PRKG1: variants seen among roughly 807,000 people sequenced by gnomAD.
PRKG1 encodes protein kinase cGMP-dependent 1.
A neutral mutation model predicts 88.1 loss-of-function variants in PRKG1; 35 were observed. The ratio of observed to expected loss-of-function variants is 0.40; its 90% CI spans 0.30 to 0.53. The LOEUF (loss-of-function observed/expected upper bound fraction) is 0.53, where lower values mean the gene tolerates loss of function less well. Ranked by LOEUF, PRKG1 falls within the 20% of genes least tolerant of loss-of-function variation. PRKG1 has a pLI of 0.59. For missense variants in PRKG1, 540 were observed against 839.8 expected, an observed-to-expected ratio of 0.64 and a Z score of 4.41; for synonymous variants, 303 against 292.5, an observed-to-expected ratio of 1.04 and a Z score of -0.37.
chr10:52,153,427 C>G (rs1837997573), intron 8 of PRKG1, among the ~76,000 whole-genome samples: 1 of 152,138 alleles, frequency 6.6e-6, no homozygotes, highest in South Asian at 2.1e-4. Flanking sequence ...CATAACAAAA[C>G]CACAATTTAT....
At chr10:51,710,979 G>A (rs1278901071) in intron 3 of PRKG1, among the ~76,000 whole-genome samples, 1 of 152,208 alleles carries the variant, frequency 6.6e-6, no homozygotes, top group Non-Finnish European at 1.5e-5. Flanking sequence ...TTACAGGTAT[G>A]AGCCACTGCG....
At chr10:51,414,592 G>C (rs1266877931) in intron 2 of PRKG1, among the ~76,000 whole-genome samples, 1 of 152,114 alleles carries the variant, frequency 6.6e-6, no homozygotes, top group Non-Finnish European at 1.5e-5. Context: ...GCAGCTCGTG[G>C]TAACAATATG....
chr10:52,147,903 C>CT (rs1837777280), intron 8 of PRKG1, among the ~76,000 whole-genome samples: 1 of 152,066 alleles, frequency 6.6e-6, no homozygotes, highest in South Asian at 2.1e-4. Context: ...TTAGGTTGAG[C>CT]TTGAGGTACA....
At chr10:51,251,416 G>T (rs758405302) in intron 2 of PRKG1, among the ~76,000 whole-genome samples, 1 of 151,758 alleles carries the variant, frequency 6.6e-6, no homozygotes, top group Non-Finnish European at 1.5e-5. Flanking sequence ...AAGGATATGT[G>T]TAATTCATTT....
rs58617683 is a variant in PRKG1 at position 51,611,484 on chromosome 10, T to TA, written c.592+143658dup. Among the ~76,000 whole-genome samples, 373 of 149,620 alleles carry TA rather than the reference T, an allele frequency of 2.5e-3. 5 individuals carry two copies. The highest frequency in any genetic ancestry group is 0.011 in the Admixed American group (171 of 15,010). On this transcript the variant is annotated intron_variant, in intron 3 of 17. Transcript: ENST00000373980. ...TTTAATAAGATTATTTGCCCTTTTT[T>TA]AAAAAAAAAACGTTAAATTGTTTCT...
At chr10:51,537,590 G>T (rs1179054825) in intron 3 of PRKG1, among the ~76,000 whole-genome samples, 1 of 151,976 alleles carries the variant, frequency 6.6e-6, no homozygotes, top group Non-Finnish European at 1.5e-5. Flanking sequence ...TTAGCTAGGC[G>T]TGGTGGCATG....
intron 5 of PRKG1, among the ~76,000 whole-genome samples, chr10:51,977,593 A>G (rs1843879084): frequency 6.6e-6 from 1 of 152,122 alleles, no homozygotes; most frequent in Non-Finnish European, 1.5e-5. Context: ...CCAACAGTGT[A>G]TAAGTATTCC....
chr10:52,251,594 C>T lies in PRKG1; in HGVS notation c.1101C>T (p.Phe367=), dbSNP rs752325371. ...KAKYEAEAAF[F]ANLKLSDFNI... ...GATATGAAGCTGAAGCGGCTTTCTTCGCCAACCTGAAGCTGTCTGATTTCA... is the reference window on the plus strand; with the variant it reads ...GATATGAAGCTGAAGCGGCTTTCTTTGCCAACCTGAAGCTGTCTGATTTCA... Residue 367 remains phenylalanine (F), a synonymous_variant, in exon 10 of 18, where the codon TTC becomes TTT. Coordinates refer to ENST00000373980, the MANE Select transcript of PRKG1 (RefSeq NM_006258.4). 7.4e-6 allele frequency: 12 copies of T among 1,613,452 alleles called. No individual in the cohort carries two copies. The highest frequency in any genetic ancestry group is 6.6e-5 in the South Asian group (6 of 91,060).
intron 5 of PRKG1, among the ~76,000 whole-genome samples, chr10:51,948,277 G>A (rs759203953): frequency 2.7e-4 from 41 of 152,110 alleles, no homozygotes; most frequent in Admixed American, 7.2e-4. Context: ...ATACGAAAGT[G>A]GCTTTCTGAC....
At chr10:51,029,594 G>A (rs1843253784) in intron 1 of PRKG1, among the ~76,000 whole-genome samples, 1 of 152,118 alleles carries the variant, frequency 6.6e-6, no homozygotes, top group Non-Finnish European at 1.5e-5. Flanking sequence ...GGGGGAACAA[G>A]TCCTAATAAA....
chr10:51,837,287 G>A (rs1181321185), intron 4 of PRKG1, among the ~76,000 whole-genome samples: 2 of 152,092 alleles, frequency 1.3e-5, no homozygotes, highest in African/African-American at 2.4e-5. Flanking sequence ...AAAACATTTA[G>A]AGTAAAGTTC....
rs145999337 is a variant in PRKG1, at chr10:51,382,121, A to T, written c.479-85602A>T. Among the ~76,000 whole-genome samples the T allele has an allele frequency of 3.0e-3, 451 of 152,164 alleles. 4 individuals carry two copies. The highest frequency in any genetic ancestry group is 0.01 in the African/African-American group (423 of 41,518). ...TTTCAAACATCATTATTTGTTTGGC[A>T]TGACCTTAAGAAAGATGGGACTGAG... is the stretch of plus-strand genomic sequence containing the variant. On this transcript the variant is annotated intron_variant, in intron 2 of 17. Transcript: ENST00000373980.
chr10:51,858,411 A>ATATATATAT lies in PRKG1; in HGVS notation c.699-49095_699-49087dup, dbSNP rs1554849488. ...ATATAATATATATAATATATATAAA[A>ATATATATAT]TATATATATAATATATATATATAGT... On this transcript the variant is annotated intron_variant, in intron 4 of 17. Transcript: ENST00000373980. 1.1e-3 allele frequency among the ~76,000 whole-genome samples: 67 copies of ATATATATAT among 62,168 alleles called. 4 individuals carry two copies. The highest frequency in any genetic ancestry group is 1.8e-3 in the Non-Finnish European group (59 of 32,922). 40.8% of individuals were successfully genotyped at this position (62,168 alleles called of 152,430 possible).
intron 7 of PRKG1, among the ~76,000 whole-genome samples, chr10:52,112,858 G>A (rs1306481197): frequency 6.6e-6 from 1 of 152,120 alleles, no homozygotes; most frequent in Admixed American, 6.6e-5. Flanking sequence ...TATGACTACG[G>A]TCGTCCAAGA....
At chr10:52,105,820 A>AT (rs534951433) in intron 7 of PRKG1, among the ~76,000 whole-genome samples, 1,547 of 149,430 alleles carry the variant, frequency 0.01, 22 homozygotes, top group African/African-American at 0.032. Context: ...TGCTTCTTTT[A>AT]TTTTTTTTTA....
intron 1 of PRKG1, among the ~76,000 whole-genome samples, chr10:51,122,360 A>G (rs1010156898): frequency 2.6e-5 from 4 of 152,184 alleles, no homozygotes; most frequent in Admixed American, 2.6e-4. Flanking sequence ...CACAATATCA[A>G]CACAGCACCA....
Position 52,251,587 on chromosome 10 carries a change from C to G in PRKG1, c.1094C>G (p.Ala365Gly). 1 of 1,613,560 alleles carries G rather than the reference C, an allele frequency of 6.2e-7. No individual in the cohort carries two copies. Among genetic ancestry groups the G allele is most frequent in the South Asian group, 1.1e-5 (1 of 91,064 alleles). The change falls in exon 10 of 18, where the codon GCT becomes GGT. Residue 365 changes from alanine (A) to glycine (G), a missense_variant. Coordinates refer to ENST00000373980, the MANE Select transcript of PRKG1 (RefSeq NM_006258.4). ...AAATCCAGATATGAAGCTGAAGCGG[C>G]TTTCTTCGCCAACCTGAAGCTGTCT... ...EAKAKYEAEA[A>G]FFANLKLSDF...
intron 9 of PRKG1, among the ~76,000 whole-genome samples, chr10:52,188,966 T>A (rs1332634215): frequency 6.6e-6 from 1 of 152,182 alleles, no homozygotes; most frequent in Non-Finnish European, 1.5e-5. Context: ...TTCTGTTCTC[T>A]CCTCTTTAGA....
intron 3 of PRKG1, among the ~76,000 whole-genome samples, chr10:51,677,768 G>T (rs1840747636): frequency 1.3e-5 from 2 of 152,150 alleles, no homozygotes; most frequent in Non-Finnish European, 2.9e-5. Context: ...AGGTTTTGGG[G>T]ACAGTTTGGA....
Sources: allele counts gnomAD v4.1 joint callset (sites outside exome capture counted in the v4.1 genomes callset), GRCh38; gene constraint gnomAD v4.1.1; transcripts MANE v1.5; gene names NCBI Gene and HGNC (gene_info 2026-07-23, HGNC 2026-07-21).